Variants in MAP2K3 observed in about 807,000 individuals in gnomAD.
MAP2K3 encodes dual specificity mitogen-activated protein kinase kinase 3.
MAP2K3 carries 30 observed loss-of-function variants against 46.4 expected under a neutral mutation model. That is an observed-to-expected ratio of 0.65 (90% CI 0.48 to 0.88). The LOEUF is 0.88. Ranked by LOEUF, MAP2K3 falls within the 40% of genes least tolerant of loss-of-function variation. The pLI is 0.00. For missense variants in MAP2K3, 380 were observed against 464.5 expected (o/e 0.82, Z 1.67); for synonymous variants, 189 against 176.3 (o/e 1.07, Z -0.57).
intron 1 of MAP2K3, chr17:21,291,372 A>ACAACACAACACAACG (rs1235246101): frequency 2.3e-6 from 1 of 438,564 alleles, no homozygotes; most frequent in East Asian, 7.0e-5. Flanking sequence ...ACAACACAAC[A>ACAACACAACACAACG]CAACACGTAG....
rs547952800 is a variant in MAP2K3, at chr17:21,314,166, T to C, written c.980T>C (p.Leu327Ser). 5.8e-5 allele frequency: 93 copies of C among 1,613,952 alleles called. 2 individuals are homozygous for C. The South Asian group carries it at 9.6e-4, about 17-fold the overall frequency. ...LELMEHPFFT[L>S]HKTKKTDIAA... The stretch of plus-strand genomic sequence containing the variant: ...CCCCAGGAGCACCCCTTCTTCACCT[T>C]GCACAAAACCAAGAAGACGGACATT... The change falls in exon 12 of 12, where the codon TTG becomes TCG. Residue 327 changes from leucine (L) to serine (S), a missense_variant. By Grantham distance (145) the Leu-to-Ser change is moderately radical. Around this residue, in one of 5 missense-constraint regions of MAP2K3, gnomAD observed 63 missense variants for 81.6 expected, o/e 0.77. Transcript: ENST00000342679.
chr17:21,289,829 C>T (rs377629548), intron 1 of MAP2K3, among the ~76,000 whole-genome samples: 147 of 152,352 alleles, frequency 9.6e-4, no homozygotes, highest in African/African-American at 3.4e-3. Flanking sequence ...GACCCCAGTC[C>T]TGGGCACATG....
intron 9 of MAP2K3, among the ~76,000 whole-genome samples, chr17:21,309,717 G>A (rs1411857205): frequency 2.6e-5 from 4 of 152,056 alleles, no homozygotes; most frequent in Non-Finnish European, 5.9e-5. Flanking sequence ...AGGTTCAAGT[G>A]ATTCTCCTGC....
chr17:21,291,481 G>C, intron 1 of MAP2K3: 1 of 456,478 alleles, frequency 2.2e-6, no homozygotes, highest in Non-Finnish European at 4.4e-6. Context: ...GCTGGCAATG[G>C]CCTTGCTGAC....
chr17:21,299,249 G>T (rs112576860), intron 3 of MAP2K3, among the ~76,000 whole-genome samples: 2 of 152,292 alleles, frequency 1.3e-5, no homozygotes, highest in Non-Finnish European at 2.9e-5. Flanking sequence ...CTCCTAGGCC[G>T]CCCTGGACCC....
At chr17:21,290,366 C>T (rs1975853668) in intron 1 of MAP2K3, among the ~76,000 whole-genome samples, 1 of 48,350 alleles carries the variant, frequency 2.1e-5, no homozygotes. Context: ...GCTTAGCCTT[C>T]TGGTCAACCC....
chr17:21,299,628 G>C (rs1312359632), intron 3 of MAP2K3, among the ~76,000 whole-genome samples: 2 of 151,978 alleles, frequency 1.3e-5, no homozygotes, highest in African/African-American at 4.8e-5. Flanking sequence ...GTTGCAGTGA[G>C]CCATGATCGT....
intron 7 of MAP2K3, among the ~76,000 whole-genome samples, chr17:21,303,976 C>T (rs1295575124): frequency 2.0e-5 from 3 of 152,224 alleles, no homozygotes; most frequent in South Asian, 4.1e-4. Flanking sequence ...TGGAGAATCC[C>T]TGCTGGGCTG....
intron 9 of MAP2K3, among the ~76,000 whole-genome samples, chr17:21,310,482 C>T (rs1201055549): frequency 2.6e-5 from 4 of 152,230 alleles, no homozygotes; most frequent in East Asian, 3.8e-4. Flanking sequence ...GAAACAGAGT[C>T]GGGAGAGTCC....
chr17:21,297,842 G>A (rs1379126877), intron 1 of MAP2K3, among the ~76,000 whole-genome samples: 6 of 152,304 alleles, frequency 3.9e-5, no homozygotes, highest in African/African-American at 1.4e-4. Context: ...GAGAGAAACG[G>A]GCATCGGGTG....
At chr17:21,301,028 C>T in intron 5 of MAP2K3, 35 bp downstream of exon 5, 4 of 1,613,660 alleles carry the variant, frequency 2.5e-6, no homozygotes, top group Non-Finnish European at 3.4e-6. Context: ...GGGATCTCCA[C>T]CTCCCACCCA....
chr17:21,294,022 G>T (rs946220524), intron 1 of MAP2K3, among the ~76,000 whole-genome samples: 419 of 152,282 alleles, frequency 2.8e-3, no homozygotes, highest in African/African-American at 9.7e-3. Context: ...TGGGGAGAGG[G>T]GCCAGTGTCT....
At chr17:21,312,305 G>A (rs766824035) in intron 10 of MAP2K3, 24 bp downstream of exon 10, 44 of 1,563,134 alleles carry the variant, frequency 2.8e-5, no homozygotes, top group Admixed American at 6.2e-5. Flanking sequence ...GCTGCTGAGC[G>A]CCTGCCACTG....
intron 1 of MAP2K3, among the ~76,000 whole-genome samples, chr17:21,294,463 G>T (rs796716589): frequency 1.0e-4 from 16 of 152,422 alleles, no homozygotes; most frequent in African/African-American, 3.1e-4. Context: ...ACCCTTAGAG[G>T]GTCACACAGC....
chr17:21,288,320 A>C (rs901599628), intron 1 of MAP2K3, among the ~76,000 whole-genome samples: 1 of 152,108 alleles, frequency 6.6e-6, no homozygotes, highest in Non-Finnish European at 1.5e-5. Context: ...AACTTCCTCT[A>C]TTAGGCAAGG....
chr17:21,303,073 C>A, intron 6 of MAP2K3, 110 bp from the exon 7 acceptor site: 1 of 1,347,186 alleles, frequency 7.4e-7, no homozygotes, highest in Non-Finnish European at 1.0e-6. Flanking sequence ...GCCTGTGCAG[C>A]GGGAGCGGGA....
intron 3 of MAP2K3, among the ~76,000 whole-genome samples, chr17:21,299,746 G>A (rs1465161415): frequency 7.9e-5 from 12 of 152,258 alleles, no homozygotes; most frequent in African/African-American, 2.7e-4. Flanking sequence ...ACTTTGGGAG[G>A]CTGAGGCGGG....
intron 3 of MAP2K3, 58 bp from the exon 4 acceptor site, chr17:21,300,487 T>G: frequency 2.6e-6 from 4 of 1,532,300 alleles, no homozygotes; most frequent in Non-Finnish European, 2.7e-6. Context: ...CCACTGGGCA[T>G]GGGGTGAGGA....
Position 21,298,866 on chromosome 17 carries a change from C to T in MAP2K3, c.117-12C>T, listed in dbSNP as rs903450605. The T allele has an allele frequency of 5.0e-6, 8 of 1,614,196 alleles. No individual in the cohort carries two copies. Among genetic ancestry groups the T allele is most frequent in the Non-Finnish European group, 5.1e-6 (6 of 1,180,064 alleles). On this transcript the variant is annotated splice_polypyrimidine_tract_variant and intron_variant, in intron 2 of 11. Coordinates refer to ENST00000342679, the MANE Select transcript of MAP2K3 (RefSeq NM_145109.3). The stretch of plus-strand genomic sequence containing the variant: ...TTCTCTCTGAAGCTCACGGAGTCTT[C>T]TTTCTCCACAGACCCCCCCGGAACC...
Sources: allele counts gnomAD v4.1 joint callset (sites outside exome capture counted in the v4.1 genomes callset), GRCh38; gene constraint gnomAD v4.1.1; regional missense constraint gnomAD v4.1.1; transcripts MANE v1.5; gene names NCBI Gene and HGNC (gene_info 2026-07-23, HGNC 2026-07-21).